SORCS2: variants seen among roughly 807,000 people sequenced by gnomAD.
SORCS2 encodes VPS10 domain-containing receptor SorCS2.
Under a neutral mutation model 141.6 loss-of-function variants are expected in SORCS2, and 100 were observed. The ratio of observed to expected loss-of-function variants is 0.71; its 90% CI spans 0.60 to 0.83. SORCS2 has a LOEUF of 0.83. Ranked by LOEUF, SORCS2 falls within the 40% of genes least tolerant of loss-of-function variation. SORCS2 has a pLI of 0.00. For missense variants in SORCS2, 1,646 were observed against 1,560.2 expected, an observed-to-expected ratio of 1.05 and a Z score of -0.93; for synonymous variants, 789 against 676.9, an observed-to-expected ratio of 1.17 and a Z score of -2.57.
chr4:7,665,054 A>C (rs754123640), intron 7 of SORCS2, among the ~76,000 whole-genome samples: 4 of 152,102 alleles, frequency 2.6e-5, no homozygotes, highest in Admixed American at 6.6e-5. Flanking sequence ...TGGCCCTGAG[A>C]CAGAGTCTGC....
At chr4:7,218,112 C>A (rs1331375130) in intron 1 of SORCS2, among the ~76,000 whole-genome samples, 1 of 152,090 alleles carries the variant, frequency 6.6e-6, no homozygotes, top group Non-Finnish European at 1.5e-5. Context: ...GAGGGGCCCT[C>A]CTGAAGCCAA....
At chr4:7,373,278 G>T (rs1311078697) in intron 1 of SORCS2, among the ~76,000 whole-genome samples, 1 of 150,982 alleles carries the variant, frequency 6.6e-6, no homozygotes, top group East Asian at 2.0e-4. Flanking sequence ...ATTCTAATAA[G>T]TGTGTAGTGA....
intron 1 of SORCS2, among the ~76,000 whole-genome samples, chr4:7,304,385 C>G (rs975933567): frequency 1.3e-5 from 2 of 152,196 alleles, no homozygotes; most frequent in Admixed American, 6.5e-5. Context: ...CTCCTTCCCC[C>G]CTTTTATGCA....
intron 2 of SORCS2, among the ~76,000 whole-genome samples, chr4:7,455,687 G>T (rs1728860738): frequency 6.7e-6 from 1 of 150,096 alleles, no homozygotes; most frequent in South Asian, 2.1e-4. Context: ...TTGGGGTCAG[G>T]TGCTGTGTTT....
intron 2 of SORCS2, among the ~76,000 whole-genome samples, chr4:7,519,947 C>G (rs939121064): frequency 1.3e-5 from 2 of 152,212 alleles, no homozygotes; most frequent in Non-Finnish European, 2.9e-5. Flanking sequence ...TGTAAAGGAG[C>G]TGGGGCAGCC....
chr4:7,647,484 C>T (rs1484662669), intron 4 of SORCS2, among the ~76,000 whole-genome samples: 10 of 152,270 alleles, frequency 6.6e-5, no homozygotes, highest in South Asian at 2.1e-4. Context: ...ACCGTGGAGG[C>T]GGGACACCTT....
At chr4:7,560,001 C>T (rs1425277662) in intron 3 of SORCS2, among the ~76,000 whole-genome samples, 2 of 152,166 alleles carry the variant, frequency 1.3e-5, no homozygotes, top group African/African-American at 4.8e-5. Context: ...TAGATGTGTG[C>T]CGGTGGCCAC....
At chr4:7,319,150 C>T (rs1718744970) in intron 1 of SORCS2, among the ~76,000 whole-genome samples, 1 of 150,718 alleles carries the variant, frequency 6.6e-6, no homozygotes, top group South Asian at 2.1e-4. Flanking sequence ...AGGCTGTTTC[C>T]AGTTTTTGGT....
chr4:7,672,245 AAGTC>A (rs1722844690), intron 8 of SORCS2, among the ~76,000 whole-genome samples: 1 of 152,182 alleles, frequency 6.6e-6, no homozygotes, highest in African/African-American at 2.4e-5. Context: ...GCCTGGCAAA[AAGTC>A]AGAAACTCTT....
intron 3 of SORCS2, among the ~76,000 whole-genome samples, chr4:7,636,694 A>G (rs1248928542): frequency 6.6e-6 from 1 of 151,494 alleles, no homozygotes; most frequent in African/African-American, 2.4e-5. Context: ...CCCTTTGAAA[A>G]CCTAAACCAG....
intron 1 of SORCS2, among the ~76,000 whole-genome samples, chr4:7,388,715 C>T (rs4689720): frequency 0.31 from 47,012 of 151,836 alleles, 7,370 homozygotes; most frequent in East Asian, 0.54. Flanking sequence ...GTGCCCTTGA[C>T]CTCTCCCGCT....
intron 8 of SORCS2, among the ~76,000 whole-genome samples, chr4:7,673,899 G>A (rs1256640648): frequency 1.3e-5 from 2 of 152,118 alleles, no homozygotes; most frequent in African/African-American, 2.4e-5. Flanking sequence ...CTGACTGCAC[G>A]GTCTAATTCC....
chr4:7,287,872 A>G (rs940884665), intron 1 of SORCS2, among the ~76,000 whole-genome samples: 3 of 152,194 alleles, frequency 2.0e-5, no homozygotes, highest in African/African-American at 4.8e-5. Flanking sequence ...TTCTTCCGCT[A>G]TGGTAAAAAC....
In SORCS2 at chr4:7,663,808, C is replaced by T. The variant is rs558086732; in HGVS notation, c.953-545C>T. ...CTTCCTCCTGGCTCACAAGCTGGAACGCAGAGCTTCCTGAGGCCTCCAGGA... is the reference window on the plus strand; with the variant it reads ...CTTCCTCCTGGCTCACAAGCTGGAATGCAGAGCTTCCTGAGGCCTCCAGGA... On this transcript the variant is annotated intron_variant, in intron 6 of 26. Transcript: ENST00000507866. The surrounding 1 kb of genome is among the most constrained non-coding windows in gnomAD (Gnocchi z 4.8). 7.9e-5 allele frequency among the ~76,000 whole-genome samples: 12 copies of T among 152,284 alleles called. No homozygotes were observed. In the East Asian group the frequency reaches 9.7e-4, roughly 12 times the overall value.
chr4:7,694,853 G>A (rs1021362378), intron 11 of SORCS2, among the ~76,000 whole-genome samples: 3 of 152,038 alleles, frequency 2.0e-5, no homozygotes, highest in Non-Finnish European at 2.9e-5. Flanking sequence ...CCTCTTCCTT[G>A]GACACCCAGT....
chr4:7,554,501 T>G (rs1280774522), intron 3 of SORCS2, among the ~76,000 whole-genome samples: 1 of 152,142 alleles, frequency 6.6e-6, no homozygotes, highest in Non-Finnish European at 1.5e-5. Context: ...ATACCTTCCC[T>G]ATGAGACAGT....
chr4:7,535,599 C>A (rs1173810406), intron 3 of SORCS2, among the ~76,000 whole-genome samples: 1 of 152,266 alleles, frequency 6.6e-6, no homozygotes, highest in African/African-American at 2.4e-5. Flanking sequence ...AGATCCGGGC[C>A]TGGCCCGAGG....
chr4:7,481,838 C>T (rs905865364), intron 2 of SORCS2, among the ~76,000 whole-genome samples: 2 of 152,108 alleles, frequency 1.3e-5, no homozygotes, highest in African/African-American at 4.8e-5. Flanking sequence ...CTGGCAACGG[C>T]GACCTTTGTC....
At chr4:7,739,661 G>T (rs1365980528) in intron 26 of SORCS2, among the ~76,000 whole-genome samples, 1 of 152,134 alleles carries the variant, frequency 6.6e-6, no homozygotes, top group Non-Finnish European at 1.5e-5. Context: ...TGCCGCGGGT[G>T]CTCCCAGCCG....
Sources: gnomAD v4.1 joint callset for allele counts (sites outside exome capture counted in the v4.1 genomes callset) on GRCh38, gnomAD v4.1.1 for gene constraint, Gnocchi (gnomAD v3.1) non-coding constraint, MANE v1.5 for transcripts, NCBI Gene and HGNC (gene_info 2026-07-23, HGNC 2026-07-21) for gene names.